The following GPATCH1 variants were observed in gnomAD, a reference collection of about 807,000 sequenced individuals.
GPATCH1 encodes the protein G-patch domain containing 1.
Under a neutral mutation model 114.9 loss-of-function variants are expected in GPATCH1, and 73 were observed. The ratio of observed to expected loss-of-function variants is 0.64; its 90% CI spans 0.53 to 0.77. The LOEUF is 0.77. Among genes scored for constraint, GPATCH1 ranks in the 30% least tolerant of loss-of-function variants. The pLI, the probability that GPATCH1 is intolerant of heterozygous loss-of-function variation, is 0.00. For synonymous variants in GPATCH1, 391 were observed against 428.4 expected (o/e 0.91, Z 1.08); for missense variants, 1,058 against 1,144.3 (o/e 0.92, Z 1.09).
At chr19:33,083,933 C>A (rs1240096028) in intron 1 of GPATCH1, among the ~76,000 whole-genome samples, 1 of 151,902 alleles carries the variant, frequency 6.6e-6, no homozygotes, top group Non-Finnish European at 1.5e-5. Flanking sequence ...CCTCAGCCTC[C>A]CGAGTGGCTG....
intron 3 of GPATCH1, among the ~76,000 whole-genome samples, chr19:33,091,646 G>C (rs1435913071): frequency 6.6e-6 from 1 of 152,050 alleles, no homozygotes; most frequent in African/African-American, 2.4e-5. Context: ...AATGCATGCT[G>C]GGCTTAATAC....
intron 1 of GPATCH1, among the ~76,000 whole-genome samples, chr19:33,086,467 A>T (rs950987945): frequency 2.0e-5 from 3 of 151,570 alleles, no homozygotes; most frequent in Non-Finnish European, 4.4e-5. Flanking sequence ...AAGATGACAA[A>T]TTTTTTTTCT....
chr19:33,112,680 A>G, intron 13 of GPATCH1, 67 bp downstream of exon 13: 2 of 1,258,764 alleles, frequency 1.6e-6, no homozygotes, highest in South Asian at 1.4e-5. Flanking sequence ...TTTTCCCCTT[A>G]CATACTCATA....
chr19:33,094,998 T>G (rs564026627), intron 5 of GPATCH1, among the ~76,000 whole-genome samples: 4 of 152,070 alleles, frequency 2.6e-5, no homozygotes, highest in Non-Finnish European at 5.9e-5. Flanking sequence ...ACCCTGCCTC[T>G]ACCAAATATA....
Position 33,081,217 on chromosome 19 carries a change from C to T in GPATCH1, c.24C>T (p.Ser8=). 3.9e-6 allele frequency: 6 copies of T among 1,551,644 alleles called. No homozygotes were observed. The highest frequency in any genetic ancestry group is 3.4e-4 in the Middle Eastern group (2 of 5,874). ...GGATGGCGGCGCGGGACAGTGACAG[C>T]GAAGAAGATCTGGTCAGCTATGGGA... is the stretch of plus-strand genomic sequence containing the variant. MAARDSD[S]EEDLVSYGTG... The change falls in exon 1 of 20, where the codon AGC becomes AGT. Residue 8 remains serine, a synonymous_variant. Coordinates refer to ENST00000170564, the MANE Select transcript of GPATCH1 (RefSeq NM_018025.3).
chr19:33,111,615 TA>T, intron 11 of GPATCH1, 108 bp from the exon 12 acceptor site: 1 of 941,840 alleles, frequency 1.1e-6, no homozygotes. Context: ...AAAACAAGGA[TA>T]AGGACTTATG....
At chr19:33,101,417 G>T in intron 8 of GPATCH1, 78 bp from the exon 9 acceptor site, 2 of 807,072 alleles carry the variant, frequency 2.5e-6, no homozygotes, top group Admixed American at 2.0e-5. Context: ...TTAGAGATAA[G>T]AACGTAAAAT....
intron 9 of GPATCH1, 114 bp from the exon 10 acceptor site, chr19:33,106,581 T>C: frequency 1.3e-6 from 1 of 792,806 alleles, no homozygotes; most frequent in Non-Finnish European, 2.1e-6. Context: ...GCCTGCTGAG[T>C]GTTAACCCGG....
In GPATCH1 at chr19:33,088,115, T is replaced by C. The variant is rs1191663157; in HGVS notation, c.74-19T>C. Reference sequence around the variant, plus strand: ...CCTCTCTTTTTCATTTAAAAAACTTTTTTTTTTTTTTTTTTTAGGTGAAAG... The same window carrying C: ...CCTCTCTTTTTCATTTAAAAAACTTCTTTTTTTTTTTTTTTTAGGTGAAAG... On this transcript the variant is annotated intron_variant, in intron 1 of 19. Coordinates refer to ENST00000170564, the MANE Select transcript of GPATCH1 (RefSeq NM_018025.3). 2 of 733,292 alleles carry C rather than the reference T, an allele frequency of 2.7e-6. No homozygotes were observed. The highest frequency in any genetic ancestry group is 6.7e-5 in the East Asian group (1 of 14,972). 45.4% of individuals were successfully genotyped at this position (733,292 alleles called of 1,614,324 possible).
chr19:33,114,162 G>A, intron 14 of GPATCH1, 91 bp from the exon 15 acceptor site: 2 of 1,239,656 alleles, frequency 1.6e-6, no homozygotes, highest in Non-Finnish European at 1.2e-6. Context: ...TAGTAGGCAC[G>A]CTGACATTCT....
chr19:33,092,398 G>T (rs184481643), intron 3 of GPATCH1, among the ~76,000 whole-genome samples: 1 of 152,206 alleles, frequency 6.6e-6, no homozygotes, highest in African/African-American at 2.4e-5. Flanking sequence ...GTCCTACCAT[G>T]AATTTTCTCT....
In GPATCH1 at chr19:33,084,496, T is replaced by TA. The variant is rs556173150; in HGVS notation, c.73+3234dup. On this transcript the variant is annotated intron_variant, in intron 1 of 19. Coordinates refer to ENST00000170564, the MANE Select transcript of GPATCH1 (RefSeq NM_018025.3). The stretch of plus-strand genomic sequence containing the variant: ...TCCTTGATGCTGTGACTCTCACACT[T>TA]AAAACTAACCGTGGCTTCCCTCGCC... Among the ~76,000 whole-genome samples, 444 of 152,216 alleles carry TA rather than the reference T, an allele frequency of 2.9e-3. 1 individual carries two copies. The highest frequency in any genetic ancestry group is 0.01 in the African/African-American group (430 of 41,544).
intron 9 of GPATCH1, among the ~76,000 whole-genome samples, chr19:33,105,819 C>T (rs952913709): frequency 9.2e-5 from 14 of 151,678 alleles, no homozygotes; most frequent in African/African-American, 3.4e-4. Flanking sequence ...CCACTGTGCC[C>T]AGCTATTATT....
At chr19:33,091,472 C>T (rs1459608900) in intron 3 of GPATCH1, among the ~76,000 whole-genome samples, 1 of 149,862 alleles carries the variant, frequency 6.7e-6, no homozygotes, top group Non-Finnish European at 1.5e-5. Context: ...GCTCAGTATC[C>T]ATGGTGCTGG....
chr19:33,117,978 G>A lies in GPATCH1; in HGVS notation c.2350G>A (p.Gly784Arg). 1 of 1,613,798 alleles carries A rather than the reference G, an allele frequency of 6.2e-7. No homozygotes were observed. Among genetic ancestry groups the A allele is most frequent in the Non-Finnish European group, 8.5e-7 (1 of 1,179,936 alleles). ...GDSEDDQAGS[G>R]EANFQSSQDT... ...CAGTGAAGATGATCAGGCAGGCTCT[G>A]GGGAGGCCAACTTCCAAAGCTCCCA... Residue 784 changes from glycine to arginine, a missense_variant, in exon 16 of 20, where the codon GGG becomes AGG. Coordinates refer to ENST00000170564, the MANE Select transcript of GPATCH1 (RefSeq NM_018025.3).
intron 17 of GPATCH1, among the ~76,000 whole-genome samples, chr19:33,123,089 TAAATAAATA>T (rs1406642272): frequency 7.2e-6 from 1 of 138,350 alleles, no homozygotes; most frequent in Non-Finnish European, 1.5e-5. Flanking sequence ...AATAAATAAA[TAAATAAATA>T]AATAAATAAA....
chr19:33,081,510 A>T (rs1156793564), intron 1 of GPATCH1, among the ~76,000 whole-genome samples: 1 of 152,070 alleles, frequency 6.6e-6, no homozygotes, highest in Admixed American at 6.6e-5. Flanking sequence ...GAAACAAGAA[A>T]ATGACGGAAT....
intron 14 of GPATCH1, 55 bp from the exon 15 acceptor site, chr19:33,114,198 G>A (rs917931849): frequency 2.4e-5 from 35 of 1,447,104 alleles, no homozygotes; most frequent in Non-Finnish European, 3.2e-5. Flanking sequence ...CAGTGGTGAA[G>A]AACTGGCCTT....
chr19:33,097,693 C>T (rs1042771388), intron 7 of GPATCH1, 62 bp from the exon 8 acceptor site: 6 of 1,459,138 alleles, frequency 4.1e-6, no homozygotes, highest in Non-Finnish European at 5.7e-6. Flanking sequence ...GTAGCTTTAT[C>T]CCTGAAGATC....
Sources: gnomAD v4.1 joint callset for allele counts (sites outside exome capture counted in the v4.1 genomes callset) on GRCh38, gnomAD v4.1.1 for gene constraint, MANE v1.5 for transcripts, NCBI Gene and HGNC (gene_info 2026-07-23, HGNC 2026-07-21) for gene names.